The following DCDC2C variants were observed in gnomAD, a reference collection of about 807,000 sequenced individuals.
DCDC2C encodes the protein doublecortin domain containing 2C.
In DCDC2C, 44 loss-of-function variants were observed where a neutral mutation model predicts 45.0. The ratio of observed to expected loss-of-function variants is 0.98; its 90% CI spans 0.77 to 1.26. DCDC2C has a LOEUF of 1.26. Among genes scored for constraint, DCDC2C ranks in the 50% most tolerant of loss-of-function variants. The pLI, the probability that DCDC2C is intolerant of heterozygous loss-of-function variation, is 0.00. For synonymous variants in DCDC2C, 187 were observed against 178.8 expected (o/e 1.05, Z -0.37); for missense variants, 447 against 468.9 (o/e 0.95, Z 0.43).
At chr2:3,760,785 T>G (rs1338923231) in intron 6 of DCDC2C, among the ~76,000 whole-genome samples, 1 of 151,836 alleles carries the variant, frequency 6.6e-6, no homozygotes, top group Non-Finnish European at 1.5e-5. Flanking sequence ...CCATGGCACA[T>G]GTATACCCAT....
chr2:3,709,659 A>G (rs1668157495), intron 2 of DCDC2C, among the ~76,000 whole-genome samples: 1 of 152,180 alleles, frequency 6.6e-6, no homozygotes, highest in Non-Finnish European at 1.5e-5. Flanking sequence ...GAGTGTGGAA[A>G]TGATTTGTGA....
intron 6 of DCDC2C, among the ~76,000 whole-genome samples, chr2:3,767,534 G>C (rs1454033391): frequency 2.0e-5 from 3 of 152,222 alleles, no homozygotes; most frequent in Non-Finnish European, 4.4e-5. Flanking sequence ...AAGGCACTGG[G>C]AGGGAGGGAG....
chr2:3,729,618 C>T (rs1483576209), intron 3 of DCDC2C, among the ~76,000 whole-genome samples: 1 of 152,194 alleles, frequency 6.6e-6, no homozygotes, highest in Non-Finnish European at 1.5e-5. Context: ...GGATTCTGTC[C>T]TCCGCCAGAG....
At chr2:3,773,422 G>A (rs6752305) in intron 8 of DCDC2C, among the ~76,000 whole-genome samples, 311 of 152,246 alleles carry the variant, frequency 2.0e-3, no homozygotes, top group African/African-American at 7.3e-3. Context: ...GTAGATGCGC[G>A]GGGGTGCATG....
At chr2:3,828,975 G>A (rs188956849) in intron 10 of DCDC2C, among the ~76,000 whole-genome samples, 86 of 152,202 alleles carry the variant, frequency 5.7e-4, no homozygotes, top group South Asian at 2.3e-3. Context: ...AGGAAGCGGA[G>A]GGGTATTCAA....
At chr2:3,708,887 G>T (rs971487308) in intron 2 of DCDC2C, among the ~76,000 whole-genome samples, 1 of 152,270 alleles carries the variant, frequency 6.6e-6, no homozygotes, top group African/African-American at 2.4e-5. Context: ...TTTTGTTTTG[G>T]GGGGGTTTGG....
chr2:3,755,247 TATG>T (rs1332684529), intron 6 of DCDC2C, among the ~76,000 whole-genome samples: 3 of 151,354 alleles, frequency 2.0e-5, no homozygotes, highest in Non-Finnish European at 4.4e-5. Context: ...ATGATGTGCA[TATG>T]ATGGGTACAC....
intron 10 of DCDC2C, among the ~76,000 whole-genome samples, chr2:3,837,429 C>A (rs1188356072): frequency 4.6e-5 from 7 of 152,044 alleles, no homozygotes; most frequent in African/African-American, 1.7e-4. Flanking sequence ...GGAATGGAGA[C>A]GCCAGGCACA....
intron 3 of DCDC2C, among the ~76,000 whole-genome samples, chr2:3,735,569 A>G (rs1669001222): frequency 6.6e-6 from 1 of 152,134 alleles, no homozygotes; most frequent in Non-Finnish European, 1.5e-5. Flanking sequence ...TTTTACCCGC[A>G]TCAGATTTGC....
At chr2:3,840,516 C>T (rs193063600) in intron 10 of DCDC2C, among the ~76,000 whole-genome samples, 21 of 152,294 alleles carry the variant, frequency 1.4e-4, no homozygotes, top group African/African-American at 2.6e-4. Flanking sequence ...TGGCTTTCTG[C>T]GTAATAAAAG....
intron 10 of DCDC2C, among the ~76,000 whole-genome samples, chr2:3,814,678 C>T (rs1671510164): frequency 1.3e-5 from 2 of 152,252 alleles, no homozygotes; most frequent in African/African-American, 4.8e-5. Context: ...GTCTGCTGGT[C>T]TGCAGAGACT....
At chr2:3,837,229 T>G (rs527450135) in intron 10 of DCDC2C, among the ~76,000 whole-genome samples, 3 of 152,306 alleles carry the variant, frequency 2.0e-5, no homozygotes, top group Admixed American at 6.5e-5. Context: ...CTAAATCTGC[T>G]AAGGAGTGGC....
At chr2:3,765,367 C>T (rs1669983915) in intron 6 of DCDC2C, among the ~76,000 whole-genome samples, 1 of 152,072 alleles carries the variant, frequency 6.6e-6, no homozygotes, top group African/African-American at 2.4e-5. Flanking sequence ...ATCAAAGAGA[C>T]CGTTGAGGTG....
chr2:3,782,892 T>C (rs1353170789), intron 9 of DCDC2C, among the ~76,000 whole-genome samples: 1 of 152,244 alleles, frequency 6.6e-6, no homozygotes, highest in Non-Finnish European at 1.5e-5. Context: ...CAATGCGTAA[T>C]GGTTTTGAAA....
At chr2:3,790,763 A>C (rs1670783446) in intron 10 of DCDC2C, among the ~76,000 whole-genome samples, 1 of 152,166 alleles carries the variant, frequency 6.6e-6, no homozygotes, top group Non-Finnish European at 1.5e-5. Flanking sequence ...GGTCATTAGT[A>C]ATGCTAAGTG....
intron 4 of DCDC2C, 166 bp from the exon 5 acceptor site, chr2:3,752,597 T>C (rs2148125758): frequency 1.3e-6 from 1 of 774,064 alleles, no homozygotes; most frequent in Non-Finnish European, 2.2e-6. Context: ...GGAAGAGCAG[T>C]TCCCGTCGGG....
chr2:3,840,110 G>A (rs1278920657), intron 10 of DCDC2C, among the ~76,000 whole-genome samples: 2 of 152,186 alleles, frequency 1.3e-5, no homozygotes, highest in African/African-American at 2.4e-5. Flanking sequence ...TTTATCTTGC[G>A]AGTGTTGATG....
chr2:3,736,306 T>G (rs1467654011), intron 3 of DCDC2C, among the ~76,000 whole-genome samples: 1 of 152,120 alleles, frequency 6.6e-6, no homozygotes, highest in East Asian at 1.9e-4. Flanking sequence ...AGAAATGTTT[T>G]GAGGTTGAGA....
intron 10 of DCDC2C, among the ~76,000 whole-genome samples, chr2:3,830,182 C>T (rs972461486): frequency 3.3e-5 from 5 of 152,210 alleles, no homozygotes; most frequent in African/African-American, 7.2e-5. Context: ...GATGTTTGTG[C>T]TTACATATCA....
Sources: gnomAD v4.1 joint callset for allele counts (sites outside exome capture counted in the v4.1 genomes callset) on GRCh38, gnomAD v4.1.1 for gene constraint, MANE v1.5 for transcripts, NCBI Gene and HGNC (gene_info 2026-07-23, HGNC 2026-07-21) for gene names.